The following GEMIN5 variants were observed in gnomAD, a reference collection of about 807,000 sequenced individuals.
GEMIN5 encodes gem-associated protein 5.
Under a neutral mutation model 176.9 loss-of-function variants are expected in GEMIN5, and 124 were observed. The ratio of observed to expected loss-of-function variants is 0.70; its 90% CI spans 0.61 to 0.81. The LOEUF is 0.81. Among genes scored for constraint, GEMIN5 ranks in the 40% least tolerant of loss-of-function variants. The probability of loss-of-function intolerance (pLI) is 0.00; values close to 1 mark genes in which losing one functional copy is unlikely to be tolerated. For synonymous variants in GEMIN5, 673 were observed against 665.2 expected (o/e 1.01, Z -0.18); for missense variants, 1,843 against 1,814.6 (o/e 1.02, Z -0.28).
At chr5:154,932,991 T>C (rs13186258) in intron 3 of GEMIN5, among the ~76,000 whole-genome samples, 8,416 of 152,316 alleles carry the variant, frequency 0.055, 321 homozygotes, top group Non-Finnish European at 0.085. Context: ...TAGACCTGCA[T>C]ATTCCAAGGC....
intron 16 of GEMIN5, 132 bp downstream of exon 16, chr5:154,907,459 C>CAA: frequency 3.0e-6 from 1 of 331,534 alleles, no homozygotes; most frequent in African/African-American, 5.5e-5. Context: ...TAAAGCTTAA[C>CAA]AAAAAAAACT....
chr5:154,909,007 T>C (rs944195904), intron 15 of GEMIN5, among the ~76,000 whole-genome samples: 1 of 152,104 alleles, frequency 6.6e-6, no homozygotes, highest in Non-Finnish European at 1.5e-5. Context: ...TGGGCTGGAG[T>C]GCGGTGGCAG....
intron 27 of GEMIN5, among the ~76,000 whole-genome samples, chr5:154,888,579 CT>C (rs1763156627): frequency 6.6e-6 from 1 of 152,204 alleles, no homozygotes; most frequent in African/African-American, 2.4e-5. Context: ...AGGATGGCTA[CT>C]GCGATGTCCT....
intron 27 of GEMIN5, 110 bp downstream of exon 27, chr5:154,889,211 G>A (rs2113448174): frequency 1.6e-6 from 1 of 628,874 alleles, no homozygotes. Context: ...TGAATGGGTA[G>A]AGATTTTAGA....
intron 21 of GEMIN5, among the ~76,000 whole-genome samples, chr5:154,899,699 C>T (rs889108717): frequency 3.3e-5 from 5 of 151,872 alleles, no homozygotes; most frequent in South Asian, 2.1e-4. Flanking sequence ...AGAAGGAAGG[C>T]GGTGGCTCTT....
rs1476740661 is a variant in GEMIN5, at chr5:154,891,713, C to T, written c.3790G>A (p.Asp1264Asn). ...GCTGGTGTGGCAGGGGATTGATGGT[C>T]CCCCAACTTGTCTCTTAGGTGGTCA... is the stretch of plus-strand genomic sequence containing the variant. ...GCDHLRDKLG[D>N]HQSPATPAFK... The change falls in exon 26 of 28, where the codon GAC (aspartate) becomes AAC (asparagine). Residue 1264 changes from aspartate (D) to asparagine (N), a missense_variant. Transcript: ENST00000285873. 6.2e-7 allele frequency: 1 copy of T among 1,603,914 alleles called. No individual in the cohort carries two copies. Among genetic ancestry groups the T allele is most frequent in the Non-Finnish European group, 8.5e-7 (1 of 1,177,036 alleles).
chr5:154,924,202 TA>T (rs1449849791), intron 9 of GEMIN5, among the ~76,000 whole-genome samples: 2 of 152,204 alleles, frequency 1.3e-5, no homozygotes, highest in African/African-American at 4.8e-5. Context: ...CACCTGTGGT[TA>T]ATGACTACTG....
intron 8 of GEMIN5, among the ~76,000 whole-genome samples, chr5:154,925,128 C>A (rs1385984414): frequency 2.6e-5 from 4 of 151,292 alleles, no homozygotes; most frequent in African/African-American, 9.7e-5. Flanking sequence ...TTGAAAAAAA[C>A]AAATGAGTTC....
intron 9 of GEMIN5, among the ~76,000 whole-genome samples, chr5:154,921,972 T>C (rs1763932730): frequency 6.6e-6 from 1 of 152,212 alleles, no homozygotes; most frequent in Admixed American, 6.5e-5. Flanking sequence ...CCAGGCAGCA[T>C]TGTTATTTCT....
At chr5:154,908,473 G>A (rs941436961) in intron 15 of GEMIN5, among the ~76,000 whole-genome samples, 6 of 152,104 alleles carry the variant, frequency 3.9e-5, no homozygotes, top group African/African-American at 1.4e-4. Flanking sequence ...GAGCCACCAC[G>A]CCCGGCCTAC....
chr5:154,935,358 T>TGA lies in GEMIN5; in HGVS notation c.509+481_509+482dup, dbSNP rs1331843446. On this transcript the variant is annotated intron_variant, in intron 3 of 27. Transcript: ENST00000285873. ...ATTAGAGAAAATAGACATCTTTCAG[T>TGA]GAGAAGTACATGAAATGGTGAAAGA... Among the ~76,000 whole-genome samples, 3 of 152,258 alleles carry TGA rather than the reference T, an allele frequency of 2.0e-5. No individual in the cohort carries two copies. The East Asian group carries it at 5.8e-4, about 29-fold the overall frequency.
At chr5:154,930,856 GAAGA>G (rs1356186774) in intron 5 of GEMIN5, among the ~76,000 whole-genome samples, 5 of 152,024 alleles carry the variant, frequency 3.3e-5, no homozygotes, top group African/African-American at 4.8e-5. Flanking sequence ...AAAATAAAAT[GAAGA>G]AAGAAGAGAA....
intron 9 of GEMIN5, 82 bp from the exon 10 acceptor site, chr5:154,921,507 G>T: frequency 4.3e-6 from 3 of 701,812 alleles, no homozygotes; most frequent in Non-Finnish European, 7.5e-6. Context: ...TTTCTAAAAG[G>T]TCCCCATTAT....
chr5:154,900,523 AT>A (rs1763441121), intron 21 of GEMIN5, among the ~76,000 whole-genome samples: 1 of 152,202 alleles, frequency 6.6e-6, no homozygotes, highest in African/African-American at 2.4e-5. Flanking sequence ...ACAGAAACAA[AT>A]GATGGGAGCC....
intron 21 of GEMIN5, among the ~76,000 whole-genome samples, chr5:154,899,682 G>A (rs1259422704): frequency 6.6e-6 from 1 of 152,128 alleles, no homozygotes; most frequent in African/African-American, 2.4e-5. Flanking sequence ...GGGAAACCTG[G>A]CATCTAAGAA....
chr5:154,923,364 G>A (rs1763966075), intron 9 of GEMIN5, among the ~76,000 whole-genome samples: 1 of 151,698 alleles, frequency 6.6e-6, no homozygotes, highest in Non-Finnish European at 1.5e-5. Flanking sequence ...TGGGCAAGAA[G>A]AGCGAAACTC....
chr5:154,925,999 C>A lies in GEMIN5; in HGVS notation c.1156G>T (p.Ala386Ser). The A allele has an allele frequency of 1.2e-6, 2 of 1,613,606 alleles. No homozygotes were observed. The highest frequency in any genetic ancestry group is 1.7e-6 in the Non-Finnish European group (2 of 1,179,558). ...GAGCCTATGTCCACAGAAGAGAAAG[C>A]CAGGCTGTATGCAAACCCACCAAGG... The part of the protein sequence containing the change: ...PSLGGFAYSL[A>S]FSSVDIGSLA... The change falls in exon 8 of 28, where the codon GCT becomes TCT. Residue 386 changes from alanine (A) to serine (S), a missense_variant. Ala to Ser is a moderately conservative substitution (Grantham distance 99, BLOSUM62 1). Transcript: ENST00000285873.
intron 9 of GEMIN5, 142 bp from the exon 10 acceptor site, chr5:154,921,567 C>A (rs1257534764): frequency 5.2e-6 from 3 of 577,366 alleles, no homozygotes; most frequent in Non-Finnish European, 9.0e-6. Context: ...ATATCTTGCT[C>A]CAAATAGTTG....
At chr5:154,918,132 T>C (rs1763850194) in intron 11 of GEMIN5, 128 bp from the exon 12 acceptor site, 3 of 623,326 alleles carry the variant, frequency 4.8e-6, no homozygotes, top group South Asian at 3.9e-5. Flanking sequence ...TTGTAAATAA[T>C]CTACATAATT....
Sources: gnomAD v4.1 joint callset for allele counts (sites outside exome capture counted in the v4.1 genomes callset) on GRCh38, gnomAD v4.1.1 for gene constraint, MANE v1.5 for transcripts, NCBI Gene and HGNC (gene_info 2026-07-23, HGNC 2026-07-21) for gene names.